The following LRRC69 variants were observed in gnomAD, a reference collection of about 807,000 sequenced individuals.
LRRC69 encodes leucine-rich repeat-containing protein 69.
Under a neutral mutation model 37.8 loss-of-function variants are expected in LRRC69, and 42 were observed. The ratio of observed to expected loss-of-function variants is 1.11; its 90% CI spans 0.87 to 1.44. The LOEUF is 1.44. Among genes scored for constraint, LRRC69 ranks in the 40% most tolerant of loss-of-function variants. The pLI is 0.00. For synonymous variants in LRRC69, 141 were observed against 143.1 expected (o/e 0.99, Z 0.11); for missense variants, 357 against 401.9 (o/e 0.89, Z 0.96).
chr8:91,197,338 G>A (rs1184721354), intron 6 of LRRC69, among the ~76,000 whole-genome samples: 5 of 152,208 alleles, frequency 3.3e-5, no homozygotes, highest in African/African-American at 7.2e-5. Context: ...TACAGAGGCA[G>A]GCAGGCCTCC....
intron 5 of LRRC69, among the ~76,000 whole-genome samples, chr8:91,137,764 C>T (rs1046880953): frequency 2.0e-5 from 3 of 151,866 alleles, no homozygotes; most frequent in Admixed American, 6.6e-5. Flanking sequence ...TATTTTGGTT[C>T]AACTGATTCA....
chr8:91,170,381 T>A (rs1269725367), intron 5 of LRRC69, among the ~76,000 whole-genome samples: 20 of 150,192 alleles, frequency 1.3e-4, no homozygotes, highest in African/African-American at 4.9e-4. Flanking sequence ...ATGCCTTTCT[T>A]CACAGAATTG....
intron 5 of LRRC69, among the ~76,000 whole-genome samples, chr8:91,179,426 A>G (rs973627795): frequency 6.6e-6 from 1 of 152,214 alleles, no homozygotes; most frequent in African/African-American, 2.4e-5. Flanking sequence ...AGATGGTGCT[A>G]AACTGTTCAT....
chr8:91,133,228 A>G (rs1264560492), exon 4 of LRRC69: 2 of 1,532,240 alleles, frequency 1.3e-6, no homozygotes, highest in Non-Finnish European at 1.8e-6. Flanking sequence ...GCTGATATGC[A>G]TACCTGAAGA....
At chr8:91,158,527 T>C in intron 5 of LRRC69, 2 of 1,133,298 alleles carry the variant, frequency 1.8e-6, no homozygotes, top group South Asian at 2.5e-5. Context: ...GGCGATGAAA[T>C]AGACTTACAC....
chr8:91,124,519 C>G (rs1813686014), exon 2 of LRRC69: 5 of 1,540,122 alleles, frequency 3.2e-6, no homozygotes, highest in Non-Finnish European at 4.4e-6. Context: ...TGGGAAACAA[C>G]CTTTTAGAAG....
Position 91,158,719 on chromosome 8 carries a change from T to C in LRRC69, c.651+22980T>C, listed in dbSNP as rs1278789852. ...CATGCTGGAATGGAAACCACTTACA[T>C]TGTTCTACAAAATGAAGACACCAAG... On this transcript the variant is annotated intron_variant, in intron 5 of 7. Coordinates refer to ENST00000448384, the Ensembl canonical transcript of LRRC69. 35 of 1,084,510 alleles carry C rather than the reference T, an allele frequency of 3.2e-5. 2 individuals are homozygous for C. In the East Asian group the frequency reaches 6.6e-4, roughly 21 times the overall value. 67.2% of individuals were successfully genotyped at this position (1,084,510 alleles called of 1,614,324 possible). A position where few individuals can be genotyped will look rare whatever the true frequency, so the allele number is the denominator to read the frequency against.
chr8:91,195,728 C>A (rs1809585692), intron 6 of LRRC69, among the ~76,000 whole-genome samples: 1 of 152,088 alleles, frequency 6.6e-6, no homozygotes, highest in South Asian at 2.1e-4. Flanking sequence ...TATTTTGAGC[C>A]TATGTGTGTC....
intron 5 of LRRC69, among the ~76,000 whole-genome samples, chr8:91,148,927 G>T (rs1236432959): frequency 6.6e-6 from 1 of 151,770 alleles, no homozygotes; most frequent in Non-Finnish European, 1.5e-5. Context: ...TTTTGATGGG[G>T]TTGTTTGTTT....
chr8:91,179,965 T>C (rs1809296925), intron 5 of LRRC69, among the ~76,000 whole-genome samples: 1 of 152,214 alleles, frequency 6.6e-6, no homozygotes, highest in Non-Finnish European at 1.5e-5. Context: ...GGAACCAGTC[T>C]TCTATTTCAT....
chr8:91,147,124 T>C (rs927879799), intron 5 of LRRC69, among the ~76,000 whole-genome samples: 1 of 151,340 alleles, frequency 6.6e-6, no homozygotes, highest in Non-Finnish European at 1.5e-5. Context: ...GAATCAGCAA[T>C]ATGCCTGTTA....
At chr8:91,141,345 G>T (rs1441075691) in intron 5 of LRRC69, among the ~76,000 whole-genome samples, 2 of 152,042 alleles carry the variant, frequency 1.3e-5, no homozygotes, top group Non-Finnish European at 2.9e-5. Context: ...TAATCCATAT[G>T]ACCTCATTTT....
chr8:91,155,373 G>A (rs1431504128), intron 5 of LRRC69, among the ~76,000 whole-genome samples: 2 of 135,468 alleles, frequency 1.5e-5, no homozygotes, highest in African/African-American at 5.0e-5. Context: ...ACATATTTGT[G>A]GGGGTGCAGA....
intron 6 of LRRC69, among the ~76,000 whole-genome samples, chr8:91,198,498 A>C (rs1809657893): frequency 6.6e-6 from 1 of 152,218 alleles, no homozygotes; most frequent in African/African-American, 2.4e-5. Context: ...ATCACTCCTA[A>C]GGATTCATAT....
intron 1 of LRRC69, among the ~76,000 whole-genome samples, chr8:91,109,922 T>C (rs1180239154): frequency 6.6e-6 from 1 of 152,064 alleles, no homozygotes; most frequent in African/African-American, 2.4e-5. Context: ...AGTTTGGCAG[T>C]TGTATTAAAC....
At chr8:91,103,729 T>C (rs923981835) in intron 1 of LRRC69, among the ~76,000 whole-genome samples, 2 of 152,094 alleles carry the variant, frequency 1.3e-5, no homozygotes, top group African/African-American at 4.8e-5. Context: ...TGTATCTTTA[T>C]AAGAAATAGG....
chr8:91,191,051 C>T (rs779662236), intron 6 of LRRC69, among the ~76,000 whole-genome samples: 7,861 of 143,114 alleles, frequency 0.055, 382 homozygotes, highest in Middle Eastern at 0.17. Context: ...ACCCCCCCCC[C>T]CCCAAGTCAA....
At chr8:91,175,392 A>G (rs1017321082) in intron 5 of LRRC69, among the ~76,000 whole-genome samples, 3 of 152,102 alleles carry the variant, frequency 2.0e-5, no homozygotes, top group Non-Finnish European at 4.4e-5. Context: ...TATAACTTCA[A>G]CGTGCACATA....
intron 7 of LRRC69, among the ~76,000 whole-genome samples, chr8:91,208,438 CA>C (rs1180699917): frequency 1.3e-5 from 2 of 152,078 alleles, no homozygotes; most frequent in Non-Finnish European, 2.9e-5. Context: ...CAGGAGTCAG[CA>C]AATGAGAATG....
Sources: allele counts gnomAD v4.1 joint callset (sites outside exome capture counted in the v4.1 genomes callset), GRCh38; gene constraint gnomAD v4.1.1; transcripts MANE v1.5; gene names NCBI Gene and HGNC (gene_info 2026-07-23, HGNC 2026-07-21).